The following UHRF2 variants were observed in gnomAD, a reference collection of about 807,000 sequenced individuals.
UHRF2 encodes E3 ubiquitin-protein ligase UHRF2.
A neutral mutation model predicts 96.8 loss-of-function variants in UHRF2; 23 were observed. That is an observed-to-expected ratio of 0.24 (90% CI 0.17 to 0.34). The LOEUF (loss-of-function observed/expected upper bound fraction) is 0.34. Ranked by LOEUF, UHRF2 falls within the 10% of genes least tolerant of loss-of-function variation. The pLI is 1.00. For missense variants in UHRF2, 685 were observed against 981.5 expected, an observed-to-expected ratio of 0.70 and a Z score of 4.04; for synonymous variants, 385 against 332.6, an observed-to-expected ratio of 1.16 and a Z score of -1.72.
chr9:6,445,981 C>CCTTTTTTTTTTTTTTTTTTTT (rs1554624504), intron 3 of UHRF2, among the ~76,000 whole-genome samples: 1 of 78,898 alleles, frequency 1.3e-5, no homozygotes, highest in African/African-American at 5.3e-5. Flanking sequence ...CCCCGCCACC[C>CCTTTTTTTTTTTTTTTTTTTT]TTTTTTTTTT....
At chr9:6,422,912 A>G (rs1311211729) in intron 2 of UHRF2, 15 of 361,644 alleles carry the variant, frequency 4.1e-5, no homozygotes, top group Admixed American at 2.8e-4. Context: ...ATATAGAGAA[A>G]TGAAATTGAT....
chr9:6,422,396 C>G (rs760315601), intron 2 of UHRF2, among the ~76,000 whole-genome samples: 24 of 151,974 alleles, frequency 1.6e-4, no homozygotes, highest in Non-Finnish European at 2.6e-4. Context: ...TTTGATCTCC[C>G]TTTCTCCTAT....
chr9:6,488,984 A>G (rs1266645525), intron 9 of UHRF2, among the ~76,000 whole-genome samples: 1 of 149,830 alleles, frequency 6.7e-6, no homozygotes, highest in Non-Finnish European at 1.5e-5. Context: ...TAATTTTTGT[A>G]TTTTTAGTAT....
At chr9:6,488,975 A>G (rs756083463) in intron 9 of UHRF2, among the ~76,000 whole-genome samples, 1 of 151,506 alleles carries the variant, frequency 6.6e-6, no homozygotes, top group Admixed American at 6.6e-5. Context: ...GCCATTGACT[A>G]ATTTTTGTAT....
At chr9:6,434,592 C>T (rs1180640122) in intron 3 of UHRF2, among the ~76,000 whole-genome samples, 1 of 151,674 alleles carries the variant, frequency 6.6e-6, no homozygotes, top group African/African-American at 2.4e-5. Flanking sequence ...GTGCATATCA[C>T]CACGCCTGAT....
chr9:6,428,937 A>G (rs572888129), intron 2 of UHRF2, among the ~76,000 whole-genome samples: 65 of 152,218 alleles, frequency 4.3e-4, no homozygotes, highest in Admixed American at 4.3e-3. Flanking sequence ...GTGGAGGACA[A>G]GTGGATCACT....
intron 2 of UHRF2, among the ~76,000 whole-genome samples, chr9:6,421,866 G>T (rs535264783): frequency 6.6e-6 from 1 of 152,200 alleles, no homozygotes; most frequent in East Asian, 1.9e-4. Context: ...TGTTTTGTCT[G>T]TATTTGAATT....
At chr9:6,476,877 G>A (rs2130896310) in intron 5 of UHRF2, among the ~76,000 whole-genome samples, 1 of 152,258 alleles carries the variant, frequency 6.6e-6, no homozygotes, top group Non-Finnish European at 1.5e-5. Context: ...ACAGGCATGA[G>A]CCACCACGCC....
chr9:6,483,371 T>C (rs1824046586), intron 8 of UHRF2, among the ~76,000 whole-genome samples: 1 of 151,874 alleles, frequency 6.6e-6, no homozygotes, highest in African/African-American at 2.4e-5. Context: ...GGTGCAGTAT[T>C]TTCATATAAC....
intron 10 of UHRF2, chr9:6,494,267 C>G (rs536982832): frequency 1.4e-5 from 3 of 218,140 alleles, no homozygotes; most frequent in East Asian, 2.1e-4. Flanking sequence ...CTAAAAGTGA[C>G]AAACTCCTTT....
At chr9:6,498,208 C>T in intron 12 of UHRF2, 50 bp downstream of exon 12, 1 of 1,578,064 alleles carries the variant, frequency 6.3e-7, no homozygotes, top group Non-Finnish European at 8.6e-7. Context: ...AAATATACAC[C>T]TCTTCTATCT....
chr9:6,433,458 A>T (rs1270105344), intron 2 of UHRF2, among the ~76,000 whole-genome samples: 1 of 152,040 alleles, frequency 6.6e-6, no homozygotes, highest in Non-Finnish European at 1.5e-5. Context: ...CTCATTTTCA[A>T]GTTTTGTTTT....
At chr9:6,443,315 C>T (rs1352534728) in intron 3 of UHRF2, among the ~76,000 whole-genome samples, 2 of 152,166 alleles carry the variant, frequency 1.3e-5, no homozygotes, top group African/African-American at 4.8e-5. Context: ...TGGATTATCT[C>T]ATGTAATCTT....
At chr9:6,424,023 A>T (rs905191104) in intron 2 of UHRF2, among the ~76,000 whole-genome samples, 1 of 152,146 alleles carries the variant, frequency 6.6e-6, no homozygotes. Context: ...AACACATTCT[A>T]TACCGGTATT....
In UHRF2 at chr9:6,506,212, CTT is replaced by C; in HGVS notation, c.*37_*38del. 1 of 1,608,636 alleles carries C rather than the reference CTT, an allele frequency of 6.2e-7. No individual in the cohort carries two copies. The highest frequency in any genetic ancestry group is 8.5e-7 in the Non-Finnish European group (1 of 1,176,854). On this transcript the variant is annotated 3_prime_UTR_variant, in exon 16 of 16. Transcript: ENST00000276893. ...GCTTTCACTGTGTTGTTCATGGTGG[CTT>C]TTTGGACAATAAAGAATCTAAAATG...
intron 14 of UHRF2, among the ~76,000 whole-genome samples, chr9:6,503,862 A>G (rs960203458): frequency 1.2e-4 from 18 of 152,160 alleles, no homozygotes; most frequent in African/African-American, 4.1e-4. Flanking sequence ...TTAGGGGGAC[A>G]TTGACTTTTT....
intron 9 of UHRF2, among the ~76,000 whole-genome samples, chr9:6,487,196 T>G (rs1229636853): frequency 7.5e-6 from 1 of 132,990 alleles, no homozygotes; most frequent in Non-Finnish European, 1.6e-5. Context: ...TTTTTTTTTT[T>G]TTTTTTTTTT....
intron 3 of UHRF2, among the ~76,000 whole-genome samples, chr9:6,442,060 G>A (rs1821197162): frequency 6.6e-6 from 1 of 152,058 alleles, no homozygotes; most frequent in African/African-American, 2.4e-5. Flanking sequence ...CTGCCTCCTG[G>A]GTTCAACAAT....
intron 9 of UHRF2, among the ~76,000 whole-genome samples, chr9:6,487,969 A>G (rs897799402): frequency 2.0e-5 from 3 of 152,024 alleles, no homozygotes; most frequent in Non-Finnish European, 4.4e-5. Context: ...GGCCGAATCC[A>G]GTGGCTCATG....
Sources: allele counts gnomAD v4.1 joint callset (sites outside exome capture counted in the v4.1 genomes callset), GRCh38; gene constraint gnomAD v4.1.1; transcripts MANE v1.5; gene names NCBI Gene and HGNC (gene_info 2026-07-23, HGNC 2026-07-21).